The following GNL3L variants were observed in gnomAD, a reference collection of about 807,000 sequenced individuals.
The protein encoded by GNL3L is guanine nucleotide-binding protein-like 3-like protein.
In GNL3L, 4 loss-of-function variants were observed where a neutral mutation model predicts 42.9. That is an observed-to-expected ratio of 0.09 (90% confidence interval 0.05 to 0.21). The LOEUF (loss-of-function observed/expected upper bound fraction) is 0.21, where lower values mean the gene tolerates loss of function less well. GNL3L is among the 10% of genes least tolerant of loss of function. GNL3L has a pLI of 1.00. For missense variants in GNL3L, 412 were observed against 481.7 expected, an observed-to-expected ratio of 0.86 and a Z score of 1.36; for synonymous variants, 159 against 176.3, an observed-to-expected ratio of 0.90 and a Z score of 0.78.
At chrX:54,571,194 ATTT>A (rs141463877), downstream of GNL3L, among the ~76,000 whole-genome samples, 1 of 91,475 alleles carries the variant, frequency 1.1e-5, no homozygotes, top group Admixed American at 1.2e-4. Flanking sequence ...TGTCATCCTA[ATTT>A]TTTTTTTTTT....
At chrX:54,546,787 C>T (rs1054902749) in intron 8 of GNL3L, among the ~76,000 whole-genome samples, 1 of 109,552 alleles carries the variant, frequency 9.1e-6, no homozygotes, top group Non-Finnish European at 1.9e-5. Context: ...GCTGGGATGA[C>T]AGGCATGTGC....
the GNL3L span, among the ~76,000 whole-genome samples, chrX:54,637,642 G>C: frequency 3.2e-4 from 36 of 112,261 alleles, no homozygotes; most frequent in Non-Finnish European, 6.6e-4. Flanking sequence ...TGATTTAAAG[G>C]CCTCTGCTTT....
At chrX:54,587,844 T>G (rs746588396) in intron 16 of GNL3L, among the ~76,000 whole-genome samples, 123 of 109,857 alleles carry the variant, frequency 1.1e-3, no homozygotes, top group African/African-American at 3.7e-3. Flanking sequence ...TCATGTCCAG[T>G]TAATTTTTGT....
At chrX:54,581,168 C>A (rs1324297519) in intron 16 of GNL3L, among the ~76,000 whole-genome samples, 1 of 112,313 alleles carries the variant, frequency 8.9e-6, no homozygotes. Flanking sequence ...ATGGTAACAT[C>A]TTGTAAAACT....
At chrX:54,631,764 T>G in the GNL3L span, among the ~76,000 whole-genome samples, 1 of 111,868 alleles carries the variant, frequency 8.9e-6, no homozygotes, top group Non-Finnish European at 1.9e-5. Context: ...CCATTTACAT[T>G]CAATGTTAGT....
intron 16 of GNL3L, among the ~76,000 whole-genome samples, chrX:54,593,374 T>G (rs749289320): frequency 9.9e-5 from 11 of 111,591 alleles, no homozygotes; most frequent in Non-Finnish European, 2.1e-4. Context: ...GTCTATGAAG[T>G]AATAATTTCT....
chrX:54,628,955 T>TA, the GNL3L span, among the ~76,000 whole-genome samples: 28 of 83,416 alleles, frequency 3.4e-4, no homozygotes, highest in African/African-American at 1.8e-3. Flanking sequence ...ATAATTATAA[T>TA]TAAATATAAA....
intron 14 of GNL3L, among the ~76,000 whole-genome samples, chrX:54,558,008 C>T (rs1156301994): frequency 9.0e-6 from 1 of 110,690 alleles, no homozygotes; most frequent in East Asian, 2.9e-4. Context: ...CTCAGCCTCC[C>T]GAGTAGCTAG....
At chrX:54,536,511 G>A (rs1261951284) in intron 2 of GNL3L, among the ~76,000 whole-genome samples, 3 of 110,416 alleles carry the variant, frequency 2.7e-5, no homozygotes, top group South Asian at 7.6e-4. Flanking sequence ...AGGGCCAGGC[G>A]TGGTGGCTCA....
intron 16 of GNL3L, among the ~76,000 whole-genome samples, chrX:54,616,449 C>T (rs979562266): frequency 1.4e-4 from 16 of 111,829 alleles, no homozygotes; most frequent in South Asian, 7.4e-4. Context: ...GTGTTAGTCA[C>T]TCACACTCAC....
intron 16 of GNL3L, among the ~76,000 whole-genome samples, chrX:54,602,066 G>A (rs747428462): frequency 7.6e-4 from 84 of 110,959 alleles, no homozygotes; most frequent in Non-Finnish European, 1.4e-3. Flanking sequence ...GGCTTTTTAT[G>A]TACATAGTTT....
chrX:54,641,208 C>T, the GNL3L span, among the ~76,000 whole-genome samples: 1 of 111,066 alleles, frequency 9.0e-6, no homozygotes, highest in South Asian at 3.9e-4. Flanking sequence ...TTACCTTTTA[C>T]TATCCTCAGA....
At chrX:54,552,823 C>G (rs1178800782) in intron 13 of GNL3L, among the ~76,000 whole-genome samples, 1 of 111,699 alleles carries the variant, frequency 9.0e-6, no homozygotes, top group African/African-American at 3.3e-5. Flanking sequence ...CTTCTTACCC[C>G]TATCGGTGAG....
the GNL3L span, among the ~76,000 whole-genome samples, chrX:54,644,774 C>T: frequency 1.8e-5 from 2 of 111,518 alleles, no homozygotes; most frequent in African/African-American, 6.5e-5. Context: ...AATCTTAGCA[C>T]ACATTGTGAA....
the GNL3L span, among the ~76,000 whole-genome samples, chrX:54,632,068 C>G: frequency 8.9e-6 from 1 of 111,944 alleles, no homozygotes; most frequent in Non-Finnish European, 1.9e-5. Flanking sequence ...GGCTGATAAT[C>G]GTTTTGTTTA....
intron 16 of GNL3L, among the ~76,000 whole-genome samples, chrX:54,574,254 A>C (rs767720253): frequency 1.8e-4 from 20 of 111,799 alleles, no homozygotes; most frequent in Admixed American, 8.6e-4. Context: ...ATTAAATATA[A>C]TGTCTATTGT....
the GNL3L span, among the ~76,000 whole-genome samples, chrX:54,628,354 A>G: frequency 9.1e-6 from 1 of 109,807 alleles, no homozygotes; most frequent in Admixed American, 9.8e-5. Context: ...GTGCCTTTTC[A>G]TAGAGTGACT....
At chrX:54,572,538 G>A (rs1367422325) in intron 16 of GNL3L, among the ~76,000 whole-genome samples, 2 of 112,116 alleles carry the variant, frequency 1.8e-5, no homozygotes, top group Non-Finnish European at 3.8e-5. Flanking sequence ...CCCAGACGGG[G>A]TGGTGGCCGG....
Position 54,543,058 on chromosome X carries a change from C to T in GNL3L, c.390+20C>T, listed in dbSNP as rs776960227. On this transcript the variant is annotated intron_variant, in intron 6 of 15. Coordinates refer to ENST00000360845, the MANE Select transcript of GNL3L (RefSeq NM_001184819.2). ...CGTAAGGTACAGGGTTCCATTTCTTCAGGCTTTTGCGGGAGGGTTCCAGTC... is the reference window on the plus strand; with the variant it reads ...CGTAAGGTACAGGGTTCCATTTCTTTAGGCTTTTGCGGGAGGGTTCCAGTC... 3.6e-6 allele frequency: 4 copies of T among 1,113,871 alleles called. No homozygotes were observed. Among genetic ancestry groups the T allele is most frequent in the Non-Finnish European group, 3.7e-6 (3 of 807,070 alleles). The allele number at this position is 1,113,871 out of a possible 1,213,427, so 91.8% of individuals were successfully genotyped here.
Sources: gnomAD v4.1 joint callset for allele counts (sites outside exome capture counted in the v4.1 genomes callset) on GRCh38, gnomAD v4.1.1 for gene constraint, MANE v1.5 for transcripts, NCBI Gene and HGNC (gene_info 2026-07-23, HGNC 2026-07-21) for gene names.